The following ODAD1 variants were observed in gnomAD, a reference collection of about 807,000 sequenced individuals.
ODAD1 encodes the protein outer dynein arm docking complex subunit 1.
ODAD1 carries 49 observed loss-of-function variants against 67.2 expected under a neutral mutation model. The ratio of observed to expected loss-of-function variants is 0.73; its 90% CI spans 0.58 to 0.92. ODAD1 has a LOEUF of 0.92. Among genes scored for constraint, ODAD1 ranks in the 40% least tolerant of loss-of-function variants. ODAD1 has a pLI of 0.00. For synonymous variants in ODAD1, 345 were observed against 393.7 expected (o/e 0.88, Z 1.46); for missense variants, 897 against 953.7 (o/e 0.94, Z 0.78).
At chr19:48,312,771 C>T (rs1288228699) in intron 5 of ODAD1, among the ~76,000 whole-genome samples, 2 of 152,160 alleles carry the variant, frequency 1.3e-5, no homozygotes, top group African/African-American at 4.8e-5. Context: ...GGATGGGATT[C>T]CAGGACTTCT....
chr19:48,300,188 C>T lies in ODAD1; in HGVS notation c.1241-1848G>A, dbSNP rs1385793803. On this transcript the variant is annotated intron_variant, in intron 12 of 15. Transcript: ENST00000674294. Reference sequence around the variant, plus strand: ...GGGCGTGGTGGCGGGCACCTGTAATCCCAGCAACTCAGGAGGCTGAGGCAG... The same window carrying T: ...GGGCGTGGTGGCGGGCACCTGTAATTCCAGCAACTCAGGAGGCTGAGGCAG... Among the ~76,000 whole-genome samples the T allele has an allele frequency of 2.0e-5, 3 of 152,160 alleles. No homozygotes were observed. In the East Asian group the frequency reaches 5.8e-4, roughly 29 times the overall value.
At chr19:48,319,379 A>G (rs945158659) in intron 3 of ODAD1, 5 of 967,402 alleles carry the variant, frequency 5.2e-6, no homozygotes, top group Non-Finnish European at 6.1e-6. Context: ...TGCAGGACAA[A>G]GTCTCAGCAC....
intron 5 of ODAD1, among the ~76,000 whole-genome samples, chr19:48,313,724 T>C (rs899823228): frequency 6.7e-6 from 1 of 150,062 alleles, no homozygotes; most frequent in Non-Finnish European, 1.5e-5. Flanking sequence ...CTCTACAAGA[T>C]ACAAAATAAA....
intron 12 of ODAD1, among the ~76,000 whole-genome samples, chr19:48,298,788 G>A (rs1212145418): frequency 1.3e-5 from 2 of 152,168 alleles, no homozygotes; most frequent in African/African-American, 2.4e-5. Context: ...GTGCCTGGGC[G>A]TCCTCTGTCC....
chr19:48,299,851 C>A (rs1968412540), intron 12 of ODAD1, among the ~76,000 whole-genome samples: 1 of 148,308 alleles, frequency 6.7e-6, no homozygotes, highest in African/African-American at 2.5e-5. Flanking sequence ...CAGGTGGATG[C>A]AACATACCCA....
At chr19:48,302,554 T>C (rs1011051972) in intron 12 of ODAD1, 140 bp downstream of exon 12, 10 of 647,878 alleles carry the variant, frequency 1.5e-5, no homozygotes, top group African/African-American at 1.5e-4. Context: ...TAGACCCTGG[T>C]TGGAAAGATG....
chr19:48,300,417 G>A (rs1330492357), intron 12 of ODAD1, among the ~76,000 whole-genome samples: 1 of 151,572 alleles, frequency 6.6e-6, no homozygotes, highest in Non-Finnish European at 1.5e-5. Context: ...CAATGTGGGA[G>A]TTCAAACAAT....
chr19:48,321,727 GGAAGCCCTC>G lies in ODAD1; in HGVS notation c.-122_-114del. 2.5e-6 allele frequency: 1 copy of G among 397,840 alleles called. No homozygotes were observed. Among genetic ancestry groups the G allele is most frequent in the Non-Finnish European group, 4.4e-6 (1 of 225,594 alleles). 24.6% of individuals were successfully genotyped at this position (397,840 alleles called of 1,614,324 possible). ...TGAAAGAGCCTGCGGTGACCTGTAT[GGAAGCCCTC>G]GAAGCCAGGCCGAGGTCCTACAAGA... On this transcript the variant is annotated 5_prime_UTR_variant, in exon 1 of 16. Transcript: ENST00000674294.
Position 48,298,022 on chromosome 19 carries a change from G to A in ODAD1, c.1480C>T (p.Pro494Ser), listed in dbSNP as rs771912701. The A allele has an allele frequency of 3.7e-6, 6 of 1,613,180 alleles. No individual in the cohort carries two copies. The East Asian group carries it at 1.3e-4, about 36-fold the overall frequency. The change falls in exon 14 of 16, where the codon CCA becomes TCA. Residue 494 changes from proline (P) to serine (S), a missense_variant. Pro to Ser is a moderately conservative substitution (Grantham distance 74, BLOSUM62 -1). Transcript: ENST00000674294. ...SLEDLPKKMAPLQPPDTLEDP... is the reference protein window; with the variant it reads ...SLEDLPKKMASLQPPDTLEDP... ...CACAGAGTGTCAGGGGGCTGAAGTG[G>A]GGCCATCTTCTTCGGAAGGTCCTCC...
chr19:48,311,943 C>A (rs770922633), intron 6 of ODAD1, 51 bp downstream of exon 6: 17 of 1,527,286 alleles, frequency 1.1e-5, no homozygotes, highest in Non-Finnish European at 1.3e-5. Context: ...ATGCCCAGTT[C>A]TTCCCATAAC....
intron 7 of ODAD1, among the ~76,000 whole-genome samples, chr19:48,308,729 C>T (rs899363537): frequency 2.0e-5 from 3 of 151,834 alleles, no homozygotes; most frequent in African/African-American, 7.3e-5. Flanking sequence ...GCTGCAGACC[C>T]AGGCCTTCTG....
At position 48,313,448 on chromosome 19, in the gene ODAD1, C is replaced by CAAAAAAAAAA. The variant is rs1291428185; in HGVS notation, c.361-1333_361-1332insTTTTTTTTTT. Among the ~76,000 whole-genome samples the CAAAAAAAAAA allele has an allele frequency of 5.5e-4, 48 of 86,932 alleles. 5 individuals carry two copies. The highest frequency in any genetic ancestry group is 1.5e-3 in the African/African-American group (30 of 19,494). 57.0% of individuals were successfully genotyped at this position (86,932 alleles called of 152,430 possible). A position where few individuals can be genotyped will look rare whatever the true frequency, so the allele number is the denominator to read the frequency against. Reference sequence around the variant, plus strand: ...TCTCAAAAAAAAAAAAAAAAAAAACCAAAAAAAAACCTCACATGTTGAAGT... The same window carrying CAAAAAAAAAA: ...TCTCAAAAAAAAAAAAAAAAAAAACCAAAAAAAAAAAAAAAAAAACCTCACATGTTGAAGT... On this transcript the variant is annotated intron_variant, in intron 5 of 15. Coordinates refer to ENST00000674294, the MANE Select transcript of ODAD1 (RefSeq NM_001364171.2).
rs1968360980 is a variant in ODAD1, at chr19:48,298,183, A to G, written c.1398T>C (p.His466=). The G allele has an allele frequency of 6.2e-7, 1 of 1,612,410 alleles. No homozygotes were observed. Among genetic ancestry groups the G allele is most frequent in the Non-Finnish European group, 8.5e-7 (1 of 1,179,822 alleles). Residue 466 remains histidine, a synonymous_variant, in exon 13 of 16, where the codon CAT becomes CAC. Coordinates refer to ENST00000674294, the MANE Select transcript of ODAD1 (RefSeq NM_001364171.2). ...GCTCCCTGCCGTCTCCCACCTGGGC[A>G]TGTAGGAAGGCCTGCACTGTCAGGA... ...VELLTVQAFL[H]AQSFTSLADA...
chr19:48,315,273 G>A (rs920735727), intron 5 of ODAD1, among the ~76,000 whole-genome samples: 4 of 152,040 alleles, frequency 2.6e-5, no homozygotes, highest in African/African-American at 9.7e-5. Flanking sequence ...GGATGGGCAC[G>A]GTGGCTCACG....
At chr19:48,304,963 G>A (rs1252960233) in intron 8 of ODAD1, among the ~76,000 whole-genome samples, 1 of 152,164 alleles carries the variant, frequency 6.6e-6, no homozygotes, top group African/African-American at 2.4e-5. Flanking sequence ...CCCCGTGAAT[G>A]TACTAAATGC....
chr19:48,308,066 A>G (rs1164945333), intron 7 of ODAD1, among the ~76,000 whole-genome samples: 1 of 152,228 alleles, frequency 6.6e-6, no homozygotes, highest in Non-Finnish European at 1.5e-5. Flanking sequence ...GGGCAATTTG[A>G]ATATTAAAAT....
rs1335489927 is a variant in ODAD1 at position 48,316,045 on chromosome 19, T to A, written c.360+2342A>T. Among the ~76,000 whole-genome samples the A allele has an allele frequency of 5.9e-5, 9 of 152,290 alleles. No homozygotes were observed. In the East Asian group the frequency reaches 1.5e-3, roughly 26 times the overall value. ...TGGCTAAACATCTAGGAGTGGAATG[T>A]CTGAATCATATTGTCAAGTATACGT... On this transcript the variant is annotated intron_variant, in intron 5 of 15. Coordinates refer to ENST00000674294, the MANE Select transcript of ODAD1 (RefSeq NM_001364171.2).
chr19:48,313,447 C>CAAAAAAAAAAAAAAAAAAA (rs1569010166), intron 5 of ODAD1, among the ~76,000 whole-genome samples: 1 of 74,516 alleles, frequency 1.3e-5, no homozygotes. Flanking sequence ...AAAAAAAAAA[C>CAAAAAAAAAAAAAAAAAAA]CAAAAAAAAA....
intron 3 of ODAD1, chr19:48,320,075 G>T: frequency 9.4e-7 from 1 of 1,067,672 alleles, no homozygotes; most frequent in Non-Finnish European, 1.1e-6. Flanking sequence ...GGAGTTCTGG[G>T]CCCCACTCAA....
Sources: gnomAD v4.1 joint callset for allele counts (sites outside exome capture counted in the v4.1 genomes callset) on GRCh38, gnomAD v4.1.1 for gene constraint, MANE v1.5 for transcripts, NCBI Gene and HGNC (gene_info 2026-07-23, HGNC 2026-07-21) for gene names.